The following LSM14A variants were observed in gnomAD, a reference collection of about 807,000 sequenced individuals.
The protein encoded by LSM14A is LSM14A mRNA processing body assembly factor.
A neutral mutation model predicts 52.4 loss-of-function variants in LSM14A; 14 were observed. That is an observed-to-expected ratio of 0.27 (90% CI 0.18 to 0.42). The LOEUF (loss-of-function observed/expected upper bound fraction) is 0.42, where lower values mean the gene tolerates loss of function less well. Ranked by LOEUF, LSM14A falls within the 10% of genes least tolerant of loss-of-function variation. LSM14A has a pLI of 1.00. For synonymous variants in LSM14A, 185 were observed against 200.3 expected (o/e 0.92, Z 0.64); for missense variants, 417 against 581.8 (o/e 0.72, Z 2.91).
intron 1 of LSM14A, among the ~76,000 whole-genome samples, chr19:34,191,733 C>T (rs1424955781): frequency 6.6e-6 from 1 of 152,114 alleles, no homozygotes; most frequent in Non-Finnish European, 1.5e-5. Context: ...GAAGAAGGGC[C>T]TTTGACTTTT....
chr19:34,221,081 C>CTTTT (rs34608536), intron 8 of LSM14A, among the ~76,000 whole-genome samples: 3 of 124,852 alleles, frequency 2.4e-5, no homozygotes, highest in African/African-American at 6.0e-5. Context: ...AGATAAGATG[C>CTTTT]TTTTTTTTTT....
At chr19:34,207,908 C>G (rs1461194113) in intron 3 of LSM14A, among the ~76,000 whole-genome samples, 2 of 151,942 alleles carry the variant, frequency 1.3e-5, no homozygotes, top group African/African-American at 4.8e-5. Context: ...GGAGAGTGTC[C>G]TAAAGACCAT....
In LSM14A at chr19:34,215,184, A is replaced by C; in HGVS notation, c.599A>C (p.Gln200Pro). The C allele has an allele frequency of 6.2e-7, 1 of 1,614,182 alleles. No homozygotes were observed. The highest frequency in any genetic ancestry group is 8.5e-7 in the Non-Finnish European group (1 of 1,180,038). Residue 200 changes from glutamine (Q) to proline (P), a missense_variant, in exon 5 of 10, where the codon CAG becomes CCG. Gln to Pro is a moderately conservative substitution (Grantham distance 76, BLOSUM62 -1). Transcript: ENST00000544216. ...AGCCCAACCATGGAACAAGCAGTGC[A>C]GACCGCCTCAGCCCACTTACCTGCT... is the stretch of plus-strand genomic sequence containing the variant. ...RKSPTMEQAV[Q>P]TASAHLPAPA...
chr19:34,193,991 C>G (rs1245760575), intron 1 of LSM14A, among the ~76,000 whole-genome samples: 2 of 152,142 alleles, frequency 1.3e-5, no homozygotes, highest in African/African-American at 4.8e-5. Flanking sequence ...TGCAAAATAG[C>G]AAGACCTCAT....
rs539909009 is a variant in LSM14A at position 34,205,255 on chromosome 19, G to C, written c.416-3674G>C. On this transcript the variant is annotated intron_variant, in intron 3 of 9. Coordinates refer to ENST00000544216, the MANE Select transcript of LSM14A (RefSeq NM_015578.4). Reference sequence around the variant, plus strand: ...TAATCCCAGCACTTTGGGAGGTCAAGGCGGGCAGATTACCTGAGGTCAGGA... The same window carrying C: ...TAATCCCAGCACTTTGGGAGGTCAACGCGGGCAGATTACCTGAGGTCAGGA... Among the ~76,000 whole-genome samples, 93 of 152,150 alleles carry C rather than the reference G, an allele frequency of 6.1e-4. 1 individual carries two copies. Among genetic ancestry groups the C allele is most frequent in the Admixed American group, 1.2e-3 (18 of 15,280 alleles).
intron 3 of LSM14A, among the ~76,000 whole-genome samples, chr19:34,201,343 A>T (rs761973144): frequency 2.0e-5 from 3 of 152,136 alleles, no homozygotes; most frequent in Non-Finnish European, 4.4e-5. Context: ...GAATTAACTT[A>T]AATTTAGCTT....
chr19:34,212,436 T>G (rs925475385), intron 4 of LSM14A, among the ~76,000 whole-genome samples: 1 of 152,202 alleles, frequency 6.6e-6, no homozygotes, highest in Non-Finnish European at 1.5e-5. Context: ...CTAGATTCTT[T>G]CCCTCATACT....
chr19:34,184,902 A>T (rs1308607870), intron 1 of LSM14A, among the ~76,000 whole-genome samples: 1 of 152,188 alleles, frequency 6.6e-6, no homozygotes, highest in Non-Finnish European at 1.5e-5. Flanking sequence ...GGCCTGACAG[A>T]TGAGTTAGAA....
At chr19:34,185,980 A>T (rs996611746) in intron 1 of LSM14A, among the ~76,000 whole-genome samples, 1 of 152,162 alleles carries the variant, frequency 6.6e-6, no homozygotes, top group African/African-American at 2.4e-5. Context: ...ATCCTAAGTG[A>T]GTTTCTTTTA....
chr19:34,192,752 A>G (rs2070538711), intron 1 of LSM14A, among the ~76,000 whole-genome samples: 1 of 150,668 alleles, frequency 6.6e-6, no homozygotes, highest in Non-Finnish European at 1.5e-5. Flanking sequence ...AAGCGGATGG[A>G]TCACTTGAGG....
At chr19:34,210,625 G>A (rs2072069470) in intron 4 of LSM14A, among the ~76,000 whole-genome samples, 1 of 151,568 alleles carries the variant, frequency 6.6e-6, no homozygotes, top group Admixed American at 6.6e-5. Context: ...TTTTGAGATA[G>A]GGTCCTGCTC....
At chr19:34,194,748 T>TA in intron 2 of LSM14A, 107 bp downstream of exon 2, 1 of 987,478 alleles carries the variant, frequency 1.0e-6, no homozygotes, top group Non-Finnish European at 1.6e-6. Context: ...ATTTCCAAGT[T>TA]ACTGGGATAC....
intron 4 of LSM14A, among the ~76,000 whole-genome samples, chr19:34,210,373 G>A (rs1470597619): frequency 1.3e-5 from 2 of 151,290 alleles, no homozygotes; most frequent in Non-Finnish European, 2.9e-5. Flanking sequence ...AGGTTCAAGC[G>A]ATTCTCCTGC....
chr19:34,223,525 C>T lies in LSM14A; in HGVS notation c.1368+1787C>T, dbSNP rs563646312. 2.0e-5 allele frequency among the ~76,000 whole-genome samples: 3 copies of T among 152,346 alleles called. No individual in the cohort carries two copies. In the East Asian group the frequency reaches 5.8e-4, roughly 29 times the overall value. On this transcript the variant is annotated intron_variant, in intron 9 of 9. Coordinates refer to ENST00000544216, the MANE Select transcript of LSM14A (RefSeq NM_015578.4). The stretch of plus-strand genomic sequence containing the variant: ...TCTCCTGTCATCTCAGCTCTGCCTC[C>T]TCCCAGTGTTCCATGTTGGCTCATG...
intron 1 of LSM14A, among the ~76,000 whole-genome samples, chr19:34,182,010 C>T (rs181143731): frequency 2.8e-4 from 42 of 152,276 alleles, no homozygotes; most frequent in Non-Finnish European, 1.9e-4. Context: ...CTCTCTGTCT[C>T]ACCTCATGTG....
chr19:34,213,713 T>C (rs2072339722), intron 4 of LSM14A, among the ~76,000 whole-genome samples: 1 of 152,348 alleles, frequency 6.6e-6, no homozygotes, highest in South Asian at 2.1e-4. Context: ...GTTCATGCTG[T>C]GACCAGGCGA....
intron 4 of LSM14A, among the ~76,000 whole-genome samples, chr19:34,211,819 T>C (rs1286511855): frequency 1.3e-5 from 2 of 151,944 alleles, no homozygotes; most frequent in Non-Finnish European, 2.9e-5. Context: ...TTGGGAAGAC[T>C]TTACTCCTCA....
rs915993050 is a variant in LSM14A at position 34,192,264 on chromosome 19, C to T, written c.122-2214C>T. Among the ~76,000 whole-genome samples the T allele has an allele frequency of 2.1e-4, 30 of 144,022 alleles. 1 individual carries two copies. Among genetic ancestry groups the T allele is most frequent in the Non-Finnish European group, 4.5e-5 (3 of 66,242 alleles). The allele number at this position is 144,022 out of a possible 152,430, so 94.5% of individuals were successfully genotyped here. On this transcript the variant is annotated intron_variant, in intron 1 of 9. Coordinates refer to ENST00000544216, the MANE Select transcript of LSM14A (RefSeq NM_015578.4). ...GAAGTCTCATAAGTACTAGAAAGAA[C>T]TTTTAGAATAAGAGTGTAGGACATT...
At chr19:34,207,309 G>T (rs2145761700) in intron 3 of LSM14A, among the ~76,000 whole-genome samples, 1 of 152,222 alleles carries the variant, frequency 6.6e-6, no homozygotes, top group Middle Eastern at 3.4e-3. Flanking sequence ...CATCAAAGTG[G>T]CTGATGTCTT....
Sources: allele counts gnomAD v4.1 joint callset (sites outside exome capture counted in the v4.1 genomes callset), GRCh38; gene constraint gnomAD v4.1.1; transcripts MANE v1.5; gene names NCBI Gene and HGNC (gene_info 2026-07-23, HGNC 2026-07-21).